The following KMT2A variants were observed in gnomAD, a reference collection of about 807,000 sequenced individuals.
The protein encoded by KMT2A is histone-lysine N-methyltransferase 2A.
KMT2A carries 16 observed loss-of-function variants against 345.3 expected under a neutral mutation model. The ratio of observed to expected loss-of-function variants is 0.05; its 90% CI spans 0.03 to 0.07. The LOEUF (loss-of-function observed/expected upper bound fraction) is 0.07, where lower values mean the gene tolerates loss of function less well. Among genes scored for constraint, KMT2A ranks in the 10% least tolerant of loss-of-function variants. The probability of loss-of-function intolerance (pLI) is 1.00; values close to 1 mark genes in which losing one functional copy is unlikely to be tolerated. For synonymous variants in KMT2A, 1,599 were observed against 1,778.6 expected (o/e 0.90, Z 2.54); for missense variants, 3,272 against 4,841.6 (o/e 0.68, Z 9.62).
Position 118,494,417 on chromosome 11 carries a change from T to TAAAAA in KMT2A, c.5289+19_5289+20insAAAAA. On this transcript the variant is annotated intron_variant, in intron 17 of 35. Coordinates refer to ENST00000534358, the MANE Select transcript of KMT2A (RefSeq NM_001197104.2). This position sits in a 1 kb window ranked among gnomAD's most constrained non-coding sequence, Gnocchi z 5.8. ...CATTCGGGTGAATGATATTACTAAT[T>TAAAAA]CATGTTTTTAATGCTTACCTATAAG... 1 of 1,305,636 alleles carries TAAAAA rather than the reference T, an allele frequency of 7.7e-7. No homozygotes were observed. Among genetic ancestry groups the TAAAAA allele is most frequent in the Non-Finnish European group, 1.1e-6 (1 of 901,118 alleles). The allele number at this position is 1,305,636 out of a possible 1,614,324, so 80.9% of individuals were successfully genotyped here. A position where few individuals can be genotyped will look rare whatever the true frequency, so the allele number is the denominator to read the frequency against.
chr11:118,516,207 A>T (rs1591301639), intron 31 of KMT2A, among the ~76,000 whole-genome samples: 1 of 152,228 alleles, frequency 6.6e-6, no homozygotes, highest in East Asian at 1.9e-4. Context: ...CATGAAGAAG[A>T]TAACATGGGG....
Position 118,498,537 on chromosome 11 carries a change from G to A in KMT2A, c.5961+9G>A, listed in dbSNP as rs1555044764. 1 of 1,560,058 alleles carries A rather than the reference G, an allele frequency of 6.4e-7. No individual in the cohort carries two copies. The highest frequency in any genetic ancestry group is 8.6e-7 in the Non-Finnish European group (1 of 1,161,350). The stretch of plus-strand genomic sequence containing the variant: ...ATTTGATCAAAGGCGAAGTGAGAGA[G>A]CTTTAGTTGCTTTAAAAAAAAAAAA... On this transcript the variant is annotated intron_variant, in intron 22 of 35. Coordinates refer to ENST00000534358, the MANE Select transcript of KMT2A (RefSeq NM_001197104.2). The surrounding 1 kb of genome is among the most constrained non-coding windows in gnomAD (Gnocchi z 4.4).
Position 118,496,333 on chromosome 11 carries a change from C to T in KMT2A, c.5630C>T (p.Ala1877Val), listed in dbSNP as rs782094920. The change falls in exon 20 of 36, where the codon GCG becomes GTG. Residue 1877 changes from alanine (A) to valine (V), a missense_variant. Physicochemically the swap from Ala to Val is moderately conservative, Grantham distance 64 (BLOSUM62 0). This residue lies in a region of KMT2A where 235 missense variants were observed against 503.4 expected (regional missense o/e 0.47). Coordinates refer to ENST00000534358, the MANE Select transcript of KMT2A (RefSeq NM_001197104.2). The surrounding 1 kb of genome is among the most constrained non-coding windows in gnomAD (Gnocchi z 4.7). ...GGCATAGAAGACAATAGACAGTGTGCGTTATGTTTGACTTATGGTGATGAC... is the reference window on the plus strand; with the variant it reads ...GGCATAGAAGACAATAGACAGTGTGTGTTATGTTTGACTTATGGTGATGAC... ...PPGIEDNRQC[A>V]LCLTYGDDSA... is the part of the protein sequence containing the mutation. 18 of 1,613,306 alleles carry T rather than the reference C, an allele frequency of 1.1e-5. 1 individual carries two copies. Among genetic ancestry groups the T allele is most frequent in the South Asian group, 7.7e-5 (7 of 91,068 alleles).
chr11:118,446,895 G>A (rs1367567992), intron 1 of KMT2A, among the ~76,000 whole-genome samples: 5 of 152,144 alleles, frequency 3.3e-5, no homozygotes, highest in Admixed American at 1.3e-4. Context: ...ATTTTGAACC[G>A]TGTCTCCTGA....
In KMT2A at chr11:118,450,630, C is replaced by T. The variant is rs576117110; in HGVS notation, c.432+13686C>T. The T allele has an allele frequency of 4.6e-5, 7 of 152,280 alleles. No homozygotes were observed. In the East Asian group the frequency reaches 7.7e-4, roughly 17 times the overall value. 9.4% of individuals were successfully genotyped at this position (152,280 alleles called of 1,614,324 possible). A position where few individuals can be genotyped will look rare whatever the true frequency, so the allele number is the denominator to read the frequency against. ...AATTATTGTCTTAGCGCTCTTTAAT[C>T]CCAAGTGACCTTTTTGTGTTAACAT... On this transcript the variant is annotated intron_variant, in intron 1 of 35. Coordinates refer to ENST00000534358, the MANE Select transcript of KMT2A (RefSeq NM_001197104.2).
chr11:118,506,360 G>A lies in KMT2A; in HGVS notation c.10468G>A (p.Val3490Ile), dbSNP rs1950583041. Residue 3490 changes from valine (V) to isoleucine (I), a missense_variant, in exon 27 of 36, where the codon GTA becomes ATA. Physicochemically the swap from Val to Ile is conservative, Grantham distance 29. Around this residue, in one of 27 missense-constraint regions of KMT2A, gnomAD observed 748 missense variants for 922.2 expected, o/e 0.81. Coordinates refer to ENST00000534358, the MANE Select transcript of KMT2A (RefSeq NM_001197104.2). Reference sequence around the variant, plus strand: ...CCAGGTATCCAACTTTACCCAGACGGTAGACGCTCCTAATAGCATGGGACT... The same window carrying A: ...CCAGGTATCCAACTTTACCCAGACGATAGACGCTCCTAATAGCATGGGACT... ...GPQVSNFTQT[V>I]DAPNSMGLEQ... The A allele has an allele frequency of 6.2e-7, 1 of 1,614,018 alleles. No homozygotes were observed. The highest frequency in any genetic ancestry group is 1.3e-5 in the African/African-American group (1 of 74,900).
chr11:118,473,031 T>G lies in KMT2A; in HGVS notation c.1872T>G (p.His624Gln), dbSNP rs1243111242. 6.2e-7 allele frequency: 1 copy of G among 1,614,188 alleles called. No homozygotes were observed. The highest frequency in any genetic ancestry group is 8.5e-7 in the Non-Finnish European group (1 of 1,180,030). The change falls in exon 3 of 36, where the codon CAT (histidine) becomes CAG (glutamine). Residue 624 changes from histidine to glutamine, a missense_variant. By Grantham distance (24) the His-to-Gln change is conservative (BLOSUM62 0). This residue lies in a region of KMT2A where 114 missense variants were observed against 203.2 expected (regional missense o/e 0.56). Transcript: ENST00000534358. The surrounding 1 kb of genome is among the most constrained non-coding windows in gnomAD (Gnocchi z 5.2). Reference protein sequence around the residue: ...EPTFRWTSLKHSRSEPQYFSS... With the variant: ...EPTFRWTSLKQSRSEPQYFSS... ...CATTTAGGTGGACTTCTTTAAAGCATTCTAGGTCAGAGCCACAATACTTTT... is the reference window on the plus strand; with the variant it reads ...CATTTAGGTGGACTTCTTTAAAGCAGTCTAGGTCAGAGCCACAATACTTTT...
At position 118,436,939 on chromosome 11, in the gene KMT2A, G is replaced by A; in HGVS notation, c.427G>A (p.Gly143Arg). 1 of 1,528,402 alleles carries A rather than the reference G, an allele frequency of 6.5e-7. No homozygotes were observed. The highest frequency in any genetic ancestry group is 8.8e-7 in the Non-Finnish European group (1 of 1,134,826). 94.7% of individuals were successfully genotyped at this position (1,528,402 alleles called of 1,614,324 possible). Residue 143 changes from glycine (G) to arginine (R), a missense_variant, in exon 1 of 36, where the codon GGA becomes AGA. Gly to Arg is a moderately radical substitution (Grantham distance 125). Coordinates refer to ENST00000534358, the MANE Select transcript of KMT2A (RefSeq NM_001197104.2). This position sits in a 1 kb window ranked among gnomAD's most constrained non-coding sequence, Gnocchi z 6.9. ...GGAGAGCGGCGGGGGAGGCGGCAGCGGAGAGGTAAGGGGGCGAGGAACCCC... is the reference window on the plus strand; with the variant it reads ...GGAGAGCGGCGGGGGAGGCGGCAGCAGAGAGGTAAGGGGGCGAGGAACCCC... ...FGESGGGGGS[G>R]EDEQFLGFGS...
intron 1 of KMT2A, among the ~76,000 whole-genome samples, chr11:118,457,040 T>A (rs1591359205): frequency 6.6e-6 from 1 of 152,110 alleles, no homozygotes; most frequent in African/African-American, 2.4e-5. Flanking sequence ...TTCCCCTTAA[T>A]CCGTATGGCC....
At chr11:118,463,999 A>G (rs1949794562) in intron 1 of KMT2A, among the ~76,000 whole-genome samples, 1 of 152,210 alleles carries the variant, frequency 6.6e-6, no homozygotes, top group African/African-American at 2.4e-5. Context: ...AAGAATGGTG[A>G]AATCATTGAT....
rs1424811583 is a variant in KMT2A at position 118,502,012 on chromosome 11, G to A, written c.6505+155G>A. Among the ~76,000 whole-genome samples the A allele has an allele frequency of 6.6e-6, 1 of 152,108 alleles. No homozygotes were observed. The highest frequency in any genetic ancestry group is 1.5e-5 in the Non-Finnish European group (1 of 68,016). On this transcript the variant is annotated intron_variant, in intron 26 of 35. Coordinates refer to ENST00000534358, the MANE Select transcript of KMT2A (RefSeq NM_001197104.2). The surrounding 1 kb of genome is among the most constrained non-coding windows in gnomAD (Gnocchi z 4.9). ...TCATGCCTGTAATCCTAGCACTTTG[G>A]GAGGCCAGGGCAGGTGGATCACCTG...
At chr11:118,489,204 C>T (rs1555041806) in intron 11 of KMT2A, among the ~76,000 whole-genome samples, 2 of 143,522 alleles carry the variant, frequency 1.4e-5, no homozygotes, top group Non-Finnish European at 3.0e-5. Context: ...GTCACTCCAG[C>T]CTGGGTGACA....
intron 31 of KMT2A, among the ~76,000 whole-genome samples, chr11:118,519,094 A>AT (rs1208161013): frequency 6.6e-6 from 1 of 150,710 alleles, no homozygotes; most frequent in Non-Finnish European, 1.5e-5. Flanking sequence ...AAAAAAAAAA[A>AT]AAAAAGAAAA....
At position 118,493,689 on chromosome 11, in the gene KMT2A, G is replaced by A. The variant is rs9332816; in HGVS notation, c.5178+459G>A. ...TTATTATCTCATGATCTATATTTGC[G>A]ATTCTGTTGTTTATTTTTATTTATT... On this transcript the variant is annotated intron_variant, in intron 16 of 35. Coordinates refer to ENST00000534358, the MANE Select transcript of KMT2A (RefSeq NM_001197104.2). This position sits in a 1 kb window ranked among gnomAD's most constrained non-coding sequence, Gnocchi z 5.8. Among the ~76,000 whole-genome samples, 2 of 151,928 alleles carry A rather than the reference G, an allele frequency of 1.3e-5. No homozygotes were observed. The highest frequency in any genetic ancestry group is 2.9e-5 in the Non-Finnish European group (2 of 67,924).
chr11:118,521,886 T>C lies in KMT2A; in HGVS notation c.11644-11T>C. ...AATGACAAGTTCTTCTCCCTTCTTC[T>C]GCATGTGCAGGGCATTGGTTGCTAT... On this transcript the variant is annotated splice_polypyrimidine_tract_variant and intron_variant, in intron 35 of 35. Coordinates refer to ENST00000534358, the MANE Select transcript of KMT2A (RefSeq NM_001197104.2). The surrounding 1 kb of genome is among the most constrained non-coding windows in gnomAD (Gnocchi z 5.3). 1 of 1,607,142 alleles carries C rather than the reference T, an allele frequency of 6.2e-7. No homozygotes were observed. Among genetic ancestry groups the C allele is most frequent in the Non-Finnish European group, 8.5e-7 (1 of 1,174,008 alleles).
In KMT2A at chr11:118,520,411, G is replaced by C. The variant is rs1385747402; in HGVS notation, c.11429+347G>C. ...CTCATGCCTGTAATTCCAGCACTTT[G>C]GAAGTCCGAGGCGGACAGATCATGA... On this transcript the variant is annotated intron_variant, in intron 33 of 35. Coordinates refer to ENST00000534358, the MANE Select transcript of KMT2A (RefSeq NM_001197104.2). The surrounding 1 kb of genome is among the most constrained non-coding windows in gnomAD (Gnocchi z 4.3). The C allele has an allele frequency of 2.1e-5, 7 of 327,838 alleles. No individual in the cohort carries two copies. Among genetic ancestry groups the C allele is most frequent in the African/African-American group, 6.3e-5 (3 of 47,266 alleles). 20.3% of individuals were successfully genotyped at this position (327,838 alleles called of 1,614,324 possible). A position where few individuals can be genotyped will look rare whatever the true frequency, so the allele number is the denominator to read the frequency against.
At chr11:118,438,832 A>T in intron 1 of KMT2A, among the ~76,000 whole-genome samples, 1 of 152,040 alleles carries the variant, frequency 6.6e-6, no homozygotes, top group East Asian at 1.9e-4. Context: ...AGCAAGGAGG[A>T]CATGATGGGG....
rs80029483 is a variant in KMT2A, at chr11:118,440,195, A to G, written c.432+3251A>G. Among the ~76,000 whole-genome samples the G allele has an allele frequency of 5.3e-3, 814 of 152,356 alleles. 7 individuals carry two copies. The highest frequency in any genetic ancestry group is 0.018 in the African/African-American group (762 of 41,586). On this transcript the variant is annotated intron_variant, in intron 1 of 35. Transcript: ENST00000534358. Reference sequence around the variant, plus strand: ...TATGTTAATACTTCTAAAACTAGGTAACAGAACTTCCAGATGACTTTGCTG... The same window carrying G: ...TATGTTAATACTTCTAAAACTAGGTGACAGAACTTCCAGATGACTTTGCTG...
chr11:118,448,878 G>A (rs1349661781), intron 1 of KMT2A: 2 of 152,154 alleles, frequency 1.3e-5, no homozygotes, highest in African/African-American at 2.4e-5. Flanking sequence ...GATGTCATTT[G>A]AGAAACTCTG....
Sources: gnomAD v4.1 joint callset for allele counts (sites outside exome capture counted in the v4.1 genomes callset) on GRCh38, gnomAD v4.1.1 for gene constraint, gnomAD v4.1.1 regional missense constraint, Gnocchi (gnomAD v3.1) non-coding constraint, MANE v1.5 for transcripts, NCBI Gene and HGNC (gene_info 2026-07-23, HGNC 2026-07-21) for gene names.